The following ENTREP2 variants were observed in gnomAD, a reference collection of about 807,000 sequenced individuals.
ENTREP2 encodes the protein protein ENTREP2.
the ENTREP2 span, among the ~76,000 whole-genome samples, chr15:29,218,191 G>A: frequency 6.6e-6 from 1 of 152,134 alleles, no homozygotes; most frequent in Non-Finnish European, 1.5e-5. Flanking sequence ...TCTTAGCTTT[G>A]GTGGTTTAAT....
the ENTREP2 span, among the ~76,000 whole-genome samples, chr15:29,288,414 T>A: frequency 1.3e-5 from 2 of 152,180 alleles, no homozygotes; most frequent in East Asian, 3.8e-4. Context: ...CCTGGTGTTG[T>A]CAGGGCCTCT....
chr15:29,570,742 G>C, the ENTREP2 span: 1 of 949,860 alleles, frequency 1.1e-6, no homozygotes, highest in Non-Finnish European at 1.2e-6. Flanking sequence ...GCGCCCGCAC[G>C]CCTCGCCCGC....
At chr15:29,178,466 TG>T in the ENTREP2 span, among the ~76,000 whole-genome samples, 1 of 152,182 alleles carries the variant, frequency 6.6e-6, no homozygotes, top group African/African-American at 2.4e-5. Context: ...TTTTGTTTTT[TG>T]TCTGGACTAA....
At chr15:29,497,692 A>G in the ENTREP2 span, among the ~76,000 whole-genome samples, 56 of 152,102 alleles carry the variant, frequency 3.7e-4, no homozygotes, top group South Asian at 0.011. Flanking sequence ...TCTAATTAAC[A>G]GTATGTCAAT....
chr15:29,193,279 T>A, the ENTREP2 span, among the ~76,000 whole-genome samples: 1 of 152,086 alleles, frequency 6.6e-6, no homozygotes, highest in Non-Finnish European at 1.5e-5. Context: ...GTGAACTGAG[T>A]GGGGAAGATC....
the ENTREP2 span, among the ~76,000 whole-genome samples, chr15:29,486,722 C>G: frequency 6.6e-6 from 1 of 152,044 alleles, no homozygotes; most frequent in Non-Finnish European, 1.5e-5. Context: ...GAATGAAATC[C>G]TGTCATTTAC....
At chr15:29,385,774 C>A in the ENTREP2 span, among the ~76,000 whole-genome samples, 3 of 152,140 alleles carry the variant, frequency 2.0e-5, no homozygotes, top group Non-Finnish European at 4.4e-5. Flanking sequence ...TAAGTGAGAA[C>A]GGGCAATCCT....
chr15:29,357,950 C>T, the ENTREP2 span, among the ~76,000 whole-genome samples: 1 of 151,934 alleles, frequency 6.6e-6, no homozygotes, highest in African/African-American at 2.4e-5. Flanking sequence ...ACTGGCAAAC[C>T]TCTCAAGGCA....
chr15:29,374,016 T>C, the ENTREP2 span: 1 of 152,094 alleles, frequency 6.6e-6, no homozygotes. Flanking sequence ...CAGCAAAATA[T>C]AATTGTCTAT....
At chr15:29,271,446 A>G in the ENTREP2 span, among the ~76,000 whole-genome samples, 1 of 152,200 alleles carries the variant, frequency 6.6e-6, no homozygotes, top group Non-Finnish European at 1.5e-5. Context: ...TTTAAGAAAA[A>G]ACAACAAGGA....
At chr15:29,659,950 C>T in the ENTREP2 span, among the ~76,000 whole-genome samples, 2 of 152,074 alleles carry the variant, frequency 1.3e-5, no homozygotes, top group African/African-American at 4.8e-5. Flanking sequence ...AGGTGTGCAC[C>T]ACCACACCTG....
chr15:29,428,579 T>G, the ENTREP2 span, among the ~76,000 whole-genome samples: 1 of 151,496 alleles, frequency 6.6e-6, no homozygotes, highest in Non-Finnish European at 1.5e-5. Flanking sequence ...AAAAAAAAAG[T>G]AAAATTTCTG....
At chr15:29,156,718 G>A in the ENTREP2 span, among the ~76,000 whole-genome samples, 6 of 152,280 alleles carry the variant, frequency 3.9e-5, 1 homozygote, top group East Asian at 5.8e-4. Context: ...ACTGGAGTAG[G>A]GGAGACCGGG....
At chr15:29,472,995 G>A in the ENTREP2 span, among the ~76,000 whole-genome samples, 1 of 152,118 alleles carries the variant, frequency 6.6e-6, no homozygotes, top group Non-Finnish European at 1.5e-5. Context: ...AGTCTTCAAA[G>A]TAGTCCCAAG....
the ENTREP2 span, chr15:29,268,268 T>C: frequency 2.0e-5 from 3 of 152,456 alleles, no homozygotes; most frequent in African/African-American, 7.2e-5. Flanking sequence ...ACAATTACTA[T>C]TGGGAGAAAA....
chr15:29,272,866 G>A, the ENTREP2 span, among the ~76,000 whole-genome samples: 4 of 152,158 alleles, frequency 2.6e-5, no homozygotes, highest in African/African-American at 9.7e-5. Flanking sequence ...TGAAAACCCT[G>A]ACTGCATGTC....
chr15:29,389,838 GATC>G, the ENTREP2 span, among the ~76,000 whole-genome samples: 1 of 151,674 alleles, frequency 6.6e-6, no homozygotes, highest in African/African-American at 2.4e-5. Flanking sequence ...TGGGACACTG[GATC>G]ATTTTTTCAA....
At chr15:29,311,443 A>G in the ENTREP2 span, among the ~76,000 whole-genome samples, 2 of 152,182 alleles carry the variant, frequency 1.3e-5, no homozygotes, top group Non-Finnish European at 2.9e-5. Flanking sequence ...TAATCCCAAC[A>G]TTTTGGGAGG....
At chr15:29,335,910 G>C in the ENTREP2 span, among the ~76,000 whole-genome samples, 4 of 152,210 alleles carry the variant, frequency 2.6e-5, 1 homozygote, top group South Asian at 8.3e-4. Context: ...GGGAGGCCGA[G>C]GCGGGTGGAT....
Sources: gnomAD v4.1 joint callset for allele counts (sites outside exome capture counted in the v4.1 genomes callset) on GRCh38, gnomAD v4.1.1 for gene constraint, MANE v1.5 for transcripts, NCBI Gene and HGNC (gene_info 2026-07-23, HGNC 2026-07-21) for gene names.